Variants in ENTPD5 observed in about 807,000 individuals in gnomAD.
ENTPD5 encodes ectonucleoside triphosphate diphosphohydrolase 5 (inactive).
Under a neutral mutation model 60.2 loss-of-function variants are expected in ENTPD5, and 49 were observed. The observed-to-expected ratio is 0.81, with a 90% CI of 0.65 to 1.03. The LOEUF (loss-of-function observed/expected upper bound fraction) is 1.03, where lower values mean the gene tolerates loss of function less well. Ranked by LOEUF, ENTPD5 falls within the 50% of genes least tolerant of loss-of-function variation. The pLI is 0.00. For synonymous variants in ENTPD5, 187 were observed against 185.4 expected, an observed-to-expected ratio of 1.01 and a Z score of -0.07; for missense variants, 480 against 507.6, an observed-to-expected ratio of 0.95 and a Z score of 0.52.
downstream of ENTPD5, among the ~76,000 whole-genome samples, chr14:73,956,985 T>G (rs2056464051): frequency 6.6e-6 from 1 of 152,148 alleles, no homozygotes; most frequent in Non-Finnish European, 1.5e-5. Context: ...GTCTGGAAAG[T>G]CATACACCAA....
At chr14:73,975,848 C>G (rs2057418669) in intron 10 of ENTPD5, 88 bp downstream of exon 10, 1 of 1,142,988 alleles carries the variant, frequency 8.7e-7, no homozygotes, top group Non-Finnish European at 1.3e-6. Flanking sequence ...TTTTGCTAAT[C>G]AGATACAATA....
chr14:73,960,197 A>G (rs2056648598), downstream of ENTPD5: 1 of 988,516 alleles, frequency 1.0e-6, no homozygotes, highest in Non-Finnish European at 1.2e-6. Flanking sequence ...GAATTTCAGC[A>G]TGGGGCTTAA....
chr14:73,983,582 C>T (rs946410957), intron 5 of ENTPD5, among the ~76,000 whole-genome samples: 1 of 146,966 alleles, frequency 6.8e-6, no homozygotes, highest in Non-Finnish European at 1.5e-5. Flanking sequence ...CAAGCCTATG[C>T]CACTGCACTA....
intron 3 of ENTPD5, among the ~76,000 whole-genome samples, chr14:73,990,314 G>T (rs1018831459): frequency 2.6e-5 from 4 of 151,764 alleles, no homozygotes; most frequent in Non-Finnish European, 4.4e-5. Context: ...ATAAATATCC[G>T]TTTCTCCCTC....
chr14:73,976,084 C>T (rs72723780), intron 9 of ENTPD5, 69 bp from the exon 10 acceptor site: 16 of 1,298,342 alleles, frequency 1.2e-5, no homozygotes, highest in Non-Finnish European at 1.7e-5. Context: ...ACACCACCAC[C>T]CGTCCCTCCC....
At chr14:73,961,067 G>GT (rs1378569959), downstream of ENTPD5, 6 of 1,307,820 alleles carry the variant, frequency 4.6e-6, no homozygotes, top group African/African-American at 7.3e-5. Context: ...GGCAAGTTGG[G>GT]TAGCATTAGC....
At chr14:73,970,759 T>C (rs867399530) in intron 14 of ENTPD5, among the ~76,000 whole-genome samples, 3 of 152,350 alleles carry the variant, frequency 2.0e-5, no homozygotes, top group Middle Eastern at 3.4e-3. Flanking sequence ...GGAAATATCA[T>C]TTAACCCTAC....
intron 3 of ENTPD5, among the ~76,000 whole-genome samples, chr14:73,992,423 G>A (rs1446502175): frequency 1.3e-5 from 2 of 152,128 alleles, no homozygotes; most frequent in Admixed American, 1.3e-4. Flanking sequence ...GGTGGCTCAC[G>A]CCTATAATCC....
downstream of ENTPD5, among the ~76,000 whole-genome samples, chr14:73,957,243 G>A (rs111695622): frequency 7.2e-5 from 11 of 151,856 alleles, 1 homozygote; most frequent in African/African-American, 1.2e-4. Flanking sequence ...GACTATAGGC[G>A]CCTGCCACCG....
At chr14:73,985,515 T>G (rs1315454335) in intron 5 of ENTPD5, among the ~76,000 whole-genome samples, 1 of 152,240 alleles carries the variant, frequency 6.6e-6, no homozygotes, top group Non-Finnish European at 1.5e-5. Context: ...TTTTTTCATG[T>G]GTCCGTTGGC....
chr14:73,980,303 T>G (rs1458352255), intron 6 of ENTPD5, among the ~76,000 whole-genome samples: 1 of 148,808 alleles, frequency 6.7e-6, no homozygotes, highest in South Asian at 2.2e-4. Flanking sequence ...CTCGCTCTGT[T>G]GCCCAGGCTG....
At chr14:73,984,637 C>T (rs1240397982) in intron 5 of ENTPD5, among the ~76,000 whole-genome samples, 1 of 152,078 alleles carries the variant, frequency 6.6e-6, no homozygotes, top group Non-Finnish European at 1.5e-5. Flanking sequence ...AATGCCAAGT[C>T]AGTTTCTAAT....
chr14:74,003,179 C>T (rs1462718801), intron 3 of ENTPD5, among the ~76,000 whole-genome samples: 3 of 152,232 alleles, frequency 2.0e-5, no homozygotes, highest in Non-Finnish European at 2.9e-5. Context: ...TTCCACACCA[C>T]TTATCACATT....
At position 74,006,432 on chromosome 14, in the gene ENTPD5, C is replaced by T. The variant is rs546071510; in HGVS notation, c.-71+4659G>A. Among the ~76,000 whole-genome samples, 23 of 152,000 alleles carry T rather than the reference C, an allele frequency of 1.5e-4. 1 individual carries two copies. The East Asian group carries it at 2.7e-3, about 18-fold the overall frequency. On this transcript the variant is annotated intron_variant, in intron 3 of 15. Transcript: ENST00000334696. ...CCGAGTAGCTGGGACTACAGGTGCC[C>T]GCCGCCACGCCCGGCTAATTTTTTG...
chr14:74,011,631 T>C (rs1160426250), intron 2 of ENTPD5, among the ~76,000 whole-genome samples: 2 of 152,092 alleles, frequency 1.3e-5, no homozygotes, highest in African/African-American at 4.8e-5. Context: ...ACTCCATCTC[T>C]ACAAAATATA....
chr14:73,956,275 C>T (rs367625527), downstream of ENTPD5: 75 of 302,816 alleles, frequency 2.5e-4, 1 homozygote, highest in Middle Eastern at 2.4e-3. Flanking sequence ...TTGCAGTGAG[C>T]CGAGATCACG....
intron 1 of ENTPD5, among the ~76,000 whole-genome samples, chr14:74,017,811 G>C (rs2059087320): frequency 6.6e-6 from 1 of 150,884 alleles, no homozygotes; most frequent in South Asian, 2.1e-4. Context: ...TTGAACCCGG[G>C]AGGCAGAGGT....
chr14:73,963,164 A>T, downstream of ENTPD5: 2 of 714,798 alleles, frequency 2.8e-6, no homozygotes, highest in East Asian at 2.7e-5. Flanking sequence ...ATAATGAATG[A>T]TAATTTGCTG....
At chr14:73,975,705 G>A (rs895413716) in intron 10 of ENTPD5, among the ~76,000 whole-genome samples, 2 of 151,998 alleles carry the variant, frequency 1.3e-5, no homozygotes, top group African/African-American at 4.8e-5. Flanking sequence ...GCACCCAGCC[G>A]AAAACTTTTG....
Sources: gnomAD v4.1 joint callset for allele counts (sites outside exome capture counted in the v4.1 genomes callset) on GRCh38, gnomAD v4.1.1 for gene constraint, MANE v1.5 for transcripts, NCBI Gene and HGNC (gene_info 2026-07-23, HGNC 2026-07-21) for gene names.